CARM1: variants seen among roughly 807,000 people sequenced by gnomAD.
CARM1 encodes histone-arginine methyltransferase CARM1.
CARM1 carries 14 observed loss-of-function variants against 72.7 expected under a neutral mutation model. That is an observed-to-expected ratio of 0.19 (90% confidence interval 0.13 to 0.30). The LOEUF (loss-of-function observed/expected upper bound fraction) is 0.30. Among genes scored for constraint, CARM1 ranks in the 10% least tolerant of loss-of-function variants. The pLI is 1.00. For missense variants in CARM1, 432 were observed against 833.7 expected, an observed-to-expected ratio of 0.52 and a Z score of 5.93; for synonymous variants, 333 against 345.5, an observed-to-expected ratio of 0.96 and a Z score of 0.40.
intron 1 of CARM1, among the ~76,000 whole-genome samples, chr19:10,899,525 G>A (rs560508606): frequency 6.6e-6 from 1 of 152,218 alleles, no homozygotes; most frequent in East Asian, 1.9e-4. Context: ...CTGGGGCAGT[G>A]GCCTGCTGAC....
intron 1 of CARM1, among the ~76,000 whole-genome samples, chr19:10,892,062 C>T (rs1179161750): frequency 1.3e-5 from 2 of 152,224 alleles, no homozygotes; most frequent in Non-Finnish European, 2.9e-5. Context: ...GTAGGTTTTA[C>T]ACCACTCTGT....
At chr19:10,874,028 G>C (rs923647670) in intron 1 of CARM1, among the ~76,000 whole-genome samples, 3 of 152,140 alleles carry the variant, frequency 2.0e-5, no homozygotes. Context: ...GTTTGTATTT[G>C]TGTTTTTGTT....
intron 6 of CARM1, among the ~76,000 whole-genome samples, chr19:10,914,871 A>G (rs1380619421): frequency 6.6e-6 from 1 of 152,040 alleles, no homozygotes; most frequent in African/African-American, 2.4e-5. Context: ...GACTGTTTCT[A>G]TTTGCCCATC....
intron 1 of CARM1, among the ~76,000 whole-genome samples, chr19:10,882,557 TTTGAGACA>T (rs1227534172): frequency 6.7e-6 from 1 of 149,712 alleles, no homozygotes; most frequent in Non-Finnish European, 1.5e-5. Flanking sequence ...TTTTTTTTTT[TTTGAGACA>T]GGGTCTCACT....
rs146270204 is a variant in CARM1, at chr19:10,909,474, G to A, written c.558+267G>A. On this transcript the variant is annotated intron_variant, in intron 4 of 15. Coordinates refer to ENST00000327064, the MANE Select transcript of CARM1 (RefSeq NM_199141.2). ...AACAAGGCCAGGCGCGGTGGCTCAC[G>A]CCTGTAATCCCAGCACTTTGGGACG... 7.9e-5 allele frequency among the ~76,000 whole-genome samples: 12 copies of A among 151,106 alleles called. No homozygotes were observed. In the East Asian group the frequency reaches 2.2e-3, roughly 27 times the overall value.
At chr19:10,883,056 A>T (rs1244585182) in intron 1 of CARM1, among the ~76,000 whole-genome samples, 1 of 152,034 alleles carries the variant, frequency 6.6e-6, no homozygotes, top group African/African-American at 2.4e-5. Context: ...CCTGGCTGGA[A>T]TGCTATCCCT....
chr19:10,885,259 C>T (rs1455319654), intron 1 of CARM1, among the ~76,000 whole-genome samples: 1 of 151,914 alleles, frequency 6.6e-6, no homozygotes, highest in African/African-American at 2.4e-5. Context: ...GGGCTCTGTG[C>T]CCCCCCACCC....
In CARM1 at chr19:10,920,104, A is replaced by G; in HGVS notation, c.1196+138A>G. 1.4e-6 allele frequency: 1 copy of G among 710,764 alleles called. No individual in the cohort carries two copies. The highest frequency in any genetic ancestry group is 2.4e-6 in the Non-Finnish European group (1 of 409,776). The allele number at this position is 710,764 out of a possible 1,614,324, so 44.0% of individuals were successfully genotyped here. A position where few individuals can be genotyped will look rare whatever the true frequency, so the allele number is the denominator to read the frequency against. ...TGGGAGTGAGAGCCTGTCTCGGAGC[A>G]AGAGACTGTTGTGGGTGGGGTGTGT... On this transcript the variant is annotated intron_variant, in intron 10 of 15. Transcript: ENST00000327064. The surrounding 1 kb of genome is among the most constrained non-coding windows in gnomAD (Gnocchi z 5.3).
intron 1 of CARM1, among the ~76,000 whole-genome samples, chr19:10,891,603 CA>C (rs988103215): frequency 6.6e-6 from 1 of 152,196 alleles, no homozygotes; most frequent in African/African-American, 2.4e-5. Context: ...CAGCAGGGTC[CA>C]AAAGGATGTT....
Position 10,909,120 on chromosome 19 carries a change from C to A in CARM1, c.471C>A (p.Ser157=), listed in dbSNP as rs778244886. The A allele has an allele frequency of 3.1e-6, 5 of 1,613,480 alleles. No homozygotes were observed. Among genetic ancestry groups the A allele is most frequent in the Non-Finnish European group, 4.2e-6 (5 of 1,179,636 alleles). The change falls in exon 4 of 16, where the codon TCC becomes TCA. Residue 157 remains serine (S), a synonymous_variant. Coordinates refer to ENST00000327064, the MANE Select transcript of CARM1 (RefSeq NM_199141.2). The stretch of plus-strand genomic sequence containing the variant: ...TGTTCCAGTTTTATGGCTACCTGTC[C>A]CAGCAGCAGAACATGATGCAGGACT... ...VQYFQFYGYL[S]QQQNMMQDYV...
chr19:10,874,206 C>T (rs1371836355), intron 1 of CARM1, among the ~76,000 whole-genome samples: 1 of 152,036 alleles, frequency 6.6e-6, no homozygotes, highest in African/African-American at 2.4e-5. Context: ...ATCTTCCTGC[C>T]TCCCAGAATG....
chr19:10,883,870 T>C (rs1490675572), intron 1 of CARM1, among the ~76,000 whole-genome samples: 1 of 151,504 alleles, frequency 6.6e-6, no homozygotes. Context: ...ATACAAAAAT[T>C]AGCTGGGCGC....
At chr19:10,889,417 G>A (rs547764912) in intron 1 of CARM1, among the ~76,000 whole-genome samples, 1 of 151,476 alleles carries the variant, frequency 6.6e-6, no homozygotes, top group Non-Finnish European at 1.5e-5. Context: ...CCAGTTCAAA[G>A]GATTCTTCTG....
chr19:10,901,872 T>C (rs2074068731), intron 1 of CARM1, among the ~76,000 whole-genome samples: 1 of 151,754 alleles, frequency 6.6e-6, no homozygotes, highest in Non-Finnish European at 1.5e-5. Flanking sequence ...ACGCAGCTAC[T>C]CAGGAGGCAG....
intron 1 of CARM1, among the ~76,000 whole-genome samples, chr19:10,876,226 A>G (rs1455411295): frequency 2.6e-5 from 4 of 151,782 alleles, no homozygotes; most frequent in South Asian, 4.2e-4. Flanking sequence ...CGGTCTCACT[A>G]TTTTGCCCAG....
At chr19:10,884,462 C>T (rs1301184636) in intron 1 of CARM1, among the ~76,000 whole-genome samples, 1 of 152,022 alleles carries the variant, frequency 6.6e-6, no homozygotes, top group Non-Finnish European at 1.5e-5. Context: ...TCTAGGATTA[C>T]AGGCCTGAGT....
At chr19:10,899,033 GTTTTTTTTTTT>G (rs34563725) in intron 1 of CARM1, among the ~76,000 whole-genome samples, 2 of 117,458 alleles carry the variant, frequency 1.7e-5, no homozygotes, top group African/African-American at 6.4e-5. Context: ...GGCTTAGCTT[GTTTTTTTTTTT>G]TTTTTTTTTG....
chr19:10,898,249 G>A (rs1325894709), intron 1 of CARM1, among the ~76,000 whole-genome samples: 2 of 152,160 alleles, frequency 1.3e-5, no homozygotes, highest in Non-Finnish European at 1.5e-5. Context: ...GGAGGTTACG[G>A]TGAGCTGAGA....
chr19:10,903,726 C>G (rs2074082985), intron 1 of CARM1, among the ~76,000 whole-genome samples: 1 of 152,070 alleles, frequency 6.6e-6, no homozygotes, highest in South Asian at 2.1e-4. Context: ...CTGTCCAGCT[C>G]CCCAGTTGTC....
Sources: allele counts gnomAD v4.1 joint callset (sites outside exome capture counted in the v4.1 genomes callset), GRCh38; gene constraint gnomAD v4.1.1; non-coding constraint Gnocchi (gnomAD v3.1); transcripts MANE v1.5; gene names NCBI Gene and HGNC (gene_info 2026-07-23, HGNC 2026-07-21).